Variants in DOCK3 observed in about 807,000 individuals in gnomAD.
The protein encoded by DOCK3 is dedicator of cytokinesis protein 3.
DOCK3 carries 60 observed loss-of-function variants against 265.6 expected under a neutral mutation model. The ratio of observed to expected loss-of-function variants is 0.23; its 90% CI spans 0.18 to 0.28. The LOEUF (loss-of-function observed/expected upper bound fraction) is 0.28, where lower values mean the gene tolerates loss of function less well. Ranked by LOEUF, DOCK3 falls within the 10% of genes least tolerant of loss-of-function variation. DOCK3 has a pLI of 1.00. For missense variants in DOCK3, 1,981 were observed against 2,594.3 expected (o/e 0.76, Z 5.14); for synonymous variants, 881 against 938.0 (o/e 0.94, Z 1.11).
At chr3:50,787,685 TAGCTGC>T (rs1340557487) in intron 2 of DOCK3, 1 of 1,287,682 alleles carries the variant, frequency 7.8e-7, no homozygotes, top group African/African-American at 1.5e-5. Flanking sequence ...GGGGAAGTGG[TAGCTGC>T]AGCAACAGAG....
intron 1 of DOCK3, among the ~76,000 whole-genome samples, chr3:50,689,960 A>T (rs2035096077): frequency 6.6e-6 from 1 of 152,142 alleles, no homozygotes; most frequent in Admixed American, 6.5e-5. Flanking sequence ...ATGTACAAAA[A>T]TTTTAAATTT....
chr3:50,865,898 G>C (rs2047117598), intron 3 of DOCK3, among the ~76,000 whole-genome samples: 1 of 152,180 alleles, frequency 6.6e-6, no homozygotes, highest in Non-Finnish European at 1.5e-5. Context: ...TTTCTCTGAT[G>C]ATCAGTGATG....
At chr3:51,244,700 G>T (rs2078748463) in intron 21 of DOCK3, among the ~76,000 whole-genome samples, 1 of 152,066 alleles carries the variant, frequency 6.6e-6, no homozygotes, top group Admixed American at 6.5e-5. Context: ...CACTGGCTAG[G>T]ATTTCCAGTG....
At chr3:50,905,746 C>T (rs1418113345) in intron 4 of DOCK3, among the ~76,000 whole-genome samples, 7 of 151,988 alleles carry the variant, frequency 4.6e-5, no homozygotes, top group African/African-American at 1.5e-4. Flanking sequence ...TAATTGAATG[C>T]CCTTTATTTC....
At chr3:51,376,034 C>T (rs2088096404) in intron 51 of DOCK3, among the ~76,000 whole-genome samples, 199 bp downstream of exon 51, 1 of 152,184 alleles carries the variant, frequency 6.6e-6, no homozygotes, top group African/African-American at 2.4e-5. Flanking sequence ...TCCTGTATCC[C>T]TCCTTCCTCA....
intron 1 of DOCK3, among the ~76,000 whole-genome samples, chr3:50,723,325 T>TA (rs1253918680): frequency 6.6e-6 from 1 of 152,124 alleles, no homozygotes; most frequent in Non-Finnish European, 1.5e-5. Flanking sequence ...TATTGGTAGT[T>TA]AGAGTCCTGA....
chr3:50,841,744 T>TTTTTTTTTTTTTTTTTGAG, intron 3 of DOCK3, 29 bp downstream of exon 3: 1 of 520,344 alleles, frequency 1.9e-6, no homozygotes, highest in Non-Finnish European at 3.1e-6. Context: ...TTACCTTTTC[T>TTTTTTTTTTTTTTTTTGAG]AATGTAGGAA....
chr3:51,099,380 T>C (rs1450774457), intron 9 of DOCK3, among the ~76,000 whole-genome samples: 1 of 152,248 alleles, frequency 6.6e-6, no homozygotes, highest in Non-Finnish European at 1.5e-5. Context: ...ACTGTTAGGC[T>C]GTGGAAAATT....
chr3:51,357,659 G>A (rs2086454101), intron 44 of DOCK3, 99 bp from the exon 45 acceptor site: 2 of 1,161,590 alleles, frequency 1.7e-6, no homozygotes, highest in East Asian at 2.4e-5. Context: ...AGACAGCCTG[G>A]CTGCTTTTTA....
At chr3:50,873,669 C>T (rs1393088072) in intron 3 of DOCK3, among the ~76,000 whole-genome samples, 1 of 152,146 alleles carries the variant, frequency 6.6e-6, no homozygotes, top group Non-Finnish European at 1.5e-5. Context: ...TTATTTAGAG[C>T]CCCAGAGCCT....
chr3:51,277,292 G>T (rs1391041382), intron 25 of DOCK3, among the ~76,000 whole-genome samples: 2 of 152,204 alleles, frequency 1.3e-5, no homozygotes, highest in Non-Finnish European at 2.9e-5. Context: ...GGAAATCAAA[G>T]AAAACATTTA....
chr3:50,756,280 C>A (rs760322835), intron 1 of DOCK3, among the ~76,000 whole-genome samples: 1 of 152,128 alleles, frequency 6.6e-6, no homozygotes, highest in Non-Finnish European at 1.5e-5. Context: ...GCCATTTTGC[C>A]TCATAATGTG....
rs556279273 is a variant in DOCK3, at chr3:51,243,428, G to T, written c.2103-3298G>T. On this transcript the variant is annotated intron_variant, in intron 21 of 52. Transcript: ENST00000266037. ...CATCGAGGGCCAGGCTATTTTCTGG[G>T]TTTTTTTTTTTATAGTGGCCACCCT... Among the ~76,000 whole-genome samples the T allele has an allele frequency of 4.8e-5, 7 of 145,402 alleles. No homozygotes were observed. In the South Asian group the frequency reaches 1.1e-3, roughly 23 times the overall value.
At chr3:51,126,093 TTATC>T (rs1445008880) in intron 9 of DOCK3, among the ~76,000 whole-genome samples, 1 of 152,224 alleles carries the variant, frequency 6.6e-6, no homozygotes, top group Non-Finnish European at 1.5e-5. Context: ...GGTTACATAT[TTATC>T]TAAGTACAGT....
At position 51,356,203 on chromosome 3, in the gene DOCK3, G is replaced by A. The variant is rs940869483; in HGVS notation, c.4364G>A (p.Arg1455Gln). The A allele has an allele frequency of 3.0e-5, 49 of 1,613,820 alleles. No individual in the cohort carries two copies. The highest frequency in any genetic ancestry group is 3.8e-5 in the Non-Finnish European group (45 of 1,179,892). The change falls in exon 42 of 53, where the codon CGG (arginine) becomes CAG (glutamine). Residue 1455 changes from arginine (R) to glutamine (Q), a missense_variant. By Grantham distance (43) the Arg-to-Gln change is conservative. Around this residue, in one of 4 missense-constraint regions of DOCK3, gnomAD observed 1,357 missense variants for 1,866.8 expected, o/e 0.73. Coordinates refer to ENST00000266037, the MANE Select transcript of DOCK3 (RefSeq NM_004947.5). ...FYRVNNVRKF[R>Q]YDRPFHKGPK... Reference sequence around the variant, plus strand: ...CGCGTCAACAATGTGAGGAAGTTCCGGTATGACAGGCCTTTTCACAAAGGC... The same window carrying A: ...CGCGTCAACAATGTGAGGAAGTTCCAGTATGACAGGCCTTTTCACAAAGGC...
At chr3:50,932,762 T>C (rs1244675472) in intron 4 of DOCK3, among the ~76,000 whole-genome samples, 1 of 152,190 alleles carries the variant, frequency 6.6e-6, no homozygotes, top group Non-Finnish European at 1.5e-5. Flanking sequence ...TTTCATGTCA[T>C]GATTTTTTTG....
intron 12 of DOCK3, among the ~76,000 whole-genome samples, chr3:51,177,536 A>G (rs966596261): frequency 6.6e-6 from 1 of 152,226 alleles, no homozygotes; most frequent in Admixed American, 6.5e-5. Flanking sequence ...TGCAGGATGT[A>G]TAATTATTCC....
intron 2 of DOCK3, among the ~76,000 whole-genome samples, chr3:50,830,713 G>A (rs2045091687): frequency 6.6e-6 from 1 of 152,178 alleles, no homozygotes; most frequent in South Asian, 2.1e-4. Context: ...TAGTGGTACT[G>A]TTGGCTCTTT....
intron 9 of DOCK3, among the ~76,000 whole-genome samples, chr3:51,131,397 G>A (rs1309606332): frequency 6.6e-6 from 1 of 152,114 alleles, no homozygotes; most frequent in Non-Finnish European, 1.5e-5. Context: ...AAGGCCGGAG[G>A]TCTCCTTGGG....
Sources: allele counts gnomAD v4.1 joint callset (sites outside exome capture counted in the v4.1 genomes callset), GRCh38; gene constraint gnomAD v4.1.1; regional missense constraint gnomAD v4.1.1; transcripts MANE v1.5; gene names NCBI Gene and HGNC (gene_info 2026-07-23, HGNC 2026-07-21).